Variants in DCC observed in about 807,000 individuals in gnomAD.
DCC encodes the protein netrin receptor DCC.
Under a neutral mutation model 172.5 loss-of-function variants are expected in DCC, and 58 were observed. The ratio of observed to expected loss-of-function variants is 0.34; its 90% confidence interval spans 0.27 to 0.42. The LOEUF (loss-of-function observed/expected upper bound fraction) is 0.42. Among genes scored for constraint, DCC ranks in the 10% least tolerant of loss-of-function variants. The pLI, the probability that DCC is intolerant of heterozygous loss-of-function variation, is 1.00. For missense variants in DCC, 1,740 were observed against 1,791.0 expected (o/e 0.97, Z 0.51); for synonymous variants, 709 against 644.5 (o/e 1.10, Z -1.52).
chr18:53,461,860 G>C (rs2045563454), intron 24 of DCC, among the ~76,000 whole-genome samples: 2 of 152,148 alleles, frequency 1.3e-5, no homozygotes, highest in South Asian at 4.1e-4. Context: ...CTCATGCTCA[G>C]CTAGATATTT....
chr18:52,352,984 A>T (rs1984191382), intron 1 of DCC, among the ~76,000 whole-genome samples: 1 of 152,220 alleles, frequency 6.6e-6, no homozygotes, highest in African/African-American at 2.4e-5. Context: ...AGCATCAGAT[A>T]GGGAGGTGAT....
At chr18:52,654,745 A>T (rs137899349) in intron 1 of DCC, among the ~76,000 whole-genome samples, 1 of 152,142 alleles carries the variant, frequency 6.6e-6, no homozygotes, top group Non-Finnish European at 1.5e-5. Context: ...GGGATATACA[A>T]CTAAAGCTTT....
chr18:53,412,244 G>A (rs983771355), intron 20 of DCC, among the ~76,000 whole-genome samples: 4 of 152,044 alleles, frequency 2.6e-5, no homozygotes, highest in African/African-American at 9.7e-5. Context: ...GTTTAATATT[G>A]TCTACCCTAA....
chr18:52,583,620 G>C (rs1447870906), intron 1 of DCC, among the ~76,000 whole-genome samples: 2 of 152,028 alleles, frequency 1.3e-5, no homozygotes, highest in Non-Finnish European at 2.9e-5. Context: ...TTGCTGTTCG[G>C]TTTGGTTTAA....
At chr18:52,581,371 G>C (rs2033546790) in intron 1 of DCC, among the ~76,000 whole-genome samples, 1 of 152,074 alleles carries the variant, frequency 6.6e-6, no homozygotes, top group South Asian at 2.1e-4. Context: ...GATATTGCTG[G>C]GAAGATTAGA....
At chr18:53,092,293 A>G (rs539182969) in intron 7 of DCC, among the ~76,000 whole-genome samples, 7 of 152,150 alleles carry the variant, frequency 4.6e-5, no homozygotes, top group Non-Finnish European at 8.8e-5. Flanking sequence ...ACTCTTAAGC[A>G]GATTTGGGAA....
At chr18:52,860,442 A>G (rs2039122812) in intron 2 of DCC, among the ~76,000 whole-genome samples, 1 of 152,230 alleles carries the variant, frequency 6.6e-6, no homozygotes, top group Non-Finnish European at 1.5e-5. Flanking sequence ...ACTTGTAGCC[A>G]GGAAGTAATT....
chr18:52,768,458 T>C (rs2037289766), intron 2 of DCC, among the ~76,000 whole-genome samples: 1 of 152,178 alleles, frequency 6.6e-6, no homozygotes, highest in African/African-American at 2.4e-5. Context: ...CACAAAGAGC[T>C]TCTGTAGAAA....
intron 1 of DCC, among the ~76,000 whole-genome samples, chr18:52,532,651 A>T (rs546265996): frequency 6.6e-6 from 1 of 152,230 alleles, no homozygotes; most frequent in Admixed American, 6.5e-5. Context: ...AATTCATTGA[A>T]GTTTAAGGGA....
intron 1 of DCC, among the ~76,000 whole-genome samples, chr18:52,719,046 C>A (rs931685582): frequency 3.9e-5 from 6 of 152,060 alleles, no homozygotes; most frequent in African/African-American, 1.2e-4. Context: ...CCTGATGGCC[C>A]CAGCCACCCT....
intron 5 of DCC, among the ~76,000 whole-genome samples, chr18:52,995,506 A>T (rs577165036): frequency 1.3e-5 from 2 of 151,844 alleles, no homozygotes; most frequent in South Asian, 4.2e-4. Context: ...TCTAGGCCTC[A>T]AACACAGCGA....
intron 17 of DCC, among the ~76,000 whole-genome samples, chr18:53,395,030 A>T (rs1908833970): frequency 6.6e-6 from 1 of 151,966 alleles, no homozygotes; most frequent in Non-Finnish European, 1.5e-5. Context: ...GGCGCCTGTA[A>T]TCCCAGCTAC....
At chr18:53,084,603 C>T (rs999296942) in intron 7 of DCC, among the ~76,000 whole-genome samples, 4 of 152,158 alleles carry the variant, frequency 2.6e-5, no homozygotes, top group African/African-American at 9.7e-5. Context: ...TGGTTCCCAG[C>T]TTTGAAGACA....
At chr18:52,973,434 A>G (rs1312188713) in intron 5 of DCC, among the ~76,000 whole-genome samples, 3 of 152,174 alleles carry the variant, frequency 2.0e-5, no homozygotes, top group African/African-American at 7.2e-5. Flanking sequence ...TACTGGTTAC[A>G]TAACTTGCTT....
intron 2 of DCC, among the ~76,000 whole-genome samples, chr18:52,842,551 G>T (rs78142466): frequency 0.064 from 9,671 of 152,194 alleles, 287 homozygotes; most frequent in East Asian, 0.077. Flanking sequence ...CAAATGCTAA[G>T]CTCTTCTGGA....
chr18:52,928,511 TG>T (rs2040254050), intron 5 of DCC, among the ~76,000 whole-genome samples: 1 of 152,204 alleles, frequency 6.6e-6, no homozygotes, highest in South Asian at 2.1e-4. Context: ...TTAATCTATG[TG>T]TACACATGTA....
At chr18:53,473,618 T>C (rs1186289866) in intron 25 of DCC, among the ~76,000 whole-genome samples, 1 of 152,224 alleles carries the variant, frequency 6.6e-6, no homozygotes, top group Non-Finnish European at 1.5e-5. Context: ...ATTATTTTCA[T>C]TTAATCCTCA....
intron 1 of DCC, among the ~76,000 whole-genome samples, chr18:52,380,678 A>G (rs527666400): frequency 3.3e-5 from 5 of 152,260 alleles, no homozygotes; most frequent in South Asian, 4.1e-4. Flanking sequence ...CTCAGTTTCC[A>G]TCATTATAAA....
chr18:52,729,072 A>G (rs374426616), intron 1 of DCC, among the ~76,000 whole-genome samples: 2 of 152,128 alleles, frequency 1.3e-5, no homozygotes, highest in African/African-American at 4.8e-5. Flanking sequence ...TTTAAGCATA[A>G]TCTCTATTTT....
Sources: gnomAD v4.1 joint callset for allele counts (sites outside exome capture counted in the v4.1 genomes callset) on GRCh38, gnomAD v4.1.1 for gene constraint, MANE v1.5 for transcripts, NCBI Gene and HGNC (gene_info 2026-07-23, HGNC 2026-07-21) for gene names.